FHIT: variants seen among roughly 807,000 people sequenced by gnomAD.
FHIT encodes the protein fragile histidine triad diadenosine triphosphatase, also known as bis(5'-adenosyl)-triphosphatase.
FHIT carries 19 observed loss-of-function variants against 17.9 expected under a neutral mutation model. The observed-to-expected ratio is 1.06, with a 90% confidence interval of 0.74 to 1.56. FHIT has a LOEUF of 1.56. Ranked by LOEUF, FHIT falls within the 40% of genes most tolerant of loss-of-function variation. The probability of loss-of-function intolerance (pLI) is 0.00; values close to 1 mark genes in which losing one functional copy is unlikely to be tolerated. For synonymous variants in FHIT, 81 were observed against 69.7 expected (o/e 1.16, Z -0.81); for missense variants, 248 against 189.2 (o/e 1.31, Z -1.82).
At chr3:61,129,897 AT>A (rs1306461852) in intron 2 of FHIT, among the ~76,000 whole-genome samples, 1 of 152,192 alleles carries the variant, frequency 6.6e-6, no homozygotes, top group African/African-American at 2.4e-5. Context: ...AAAGAAATTT[AT>A]ATCTTCACTT....
intron 4 of FHIT, among the ~76,000 whole-genome samples, chr3:60,762,395 G>C (rs1375523156): frequency 6.6e-6 from 1 of 152,176 alleles, no homozygotes; most frequent in East Asian, 1.9e-4. Flanking sequence ...TTTGCCTTTT[G>C]CCCAAGATCC....
chr3:60,112,289 G>A (rs1158610107), intron 5 of FHIT, among the ~76,000 whole-genome samples: 2 of 152,144 alleles, frequency 1.3e-5, no homozygotes, highest in Non-Finnish European at 2.9e-5. Flanking sequence ...CTTGTAAGGA[G>A]CCACTCCTCC....
intron 5 of FHIT, among the ~76,000 whole-genome samples, chr3:60,115,008 T>C (rs1005787122): frequency 1.1e-4 from 17 of 152,294 alleles, no homozygotes; most frequent in African/African-American, 2.6e-4. Flanking sequence ...ATATGTTACA[T>C]TGTTTTCTCA....
At chr3:61,089,590 ATATT>A (rs1167660171) in intron 2 of FHIT, among the ~76,000 whole-genome samples, 1 of 152,192 alleles carries the variant, frequency 6.6e-6, no homozygotes, top group East Asian at 1.9e-4. Flanking sequence ...ACAATTGTAA[ATATT>A]TGTTTGAAAC....
chr3:60,576,949 T>TATACACAC (rs1553657810), intron 4 of FHIT, among the ~76,000 whole-genome samples: 2 of 146,746 alleles, frequency 1.4e-5, no homozygotes, highest in Non-Finnish European at 3.0e-5. Flanking sequence ...TCCATTTGCA[T>TATACACAC]ACACACACAC....
At chr3:60,737,488 C>G (rs918921006) in intron 4 of FHIT, among the ~76,000 whole-genome samples, 1 of 152,202 alleles carries the variant, frequency 6.6e-6, no homozygotes, top group African/African-American at 2.4e-5. Flanking sequence ...TGAAGATAGT[C>G]TAAACAGAAA....
intron 2 of FHIT, among the ~76,000 whole-genome samples, chr3:61,140,960 A>G (rs1397733882): frequency 1.3e-5 from 2 of 152,222 alleles, no homozygotes; most frequent in African/African-American, 4.8e-5. Context: ...ACACGGATGT[A>G]CAAAGAAGAA....
intron 8 of FHIT, among the ~76,000 whole-genome samples, chr3:59,852,572 G>A (rs1208211200): frequency 6.6e-6 from 1 of 152,068 alleles, no homozygotes; most frequent in African/African-American, 2.4e-5. Flanking sequence ...TCTTGGTGTT[G>A]TACATTCTAT....
At chr3:61,168,312 T>G (rs2037900416) in intron 2 of FHIT, among the ~76,000 whole-genome samples, 2 of 152,132 alleles carry the variant, frequency 1.3e-5, no homozygotes, top group Non-Finnish European at 2.9e-5. Context: ...CAAAAGAAGT[T>G]TGCTAACCCC....
intron 2 of FHIT, among the ~76,000 whole-genome samples, chr3:61,157,911 G>A (rs192419743): frequency 1.3e-5 from 2 of 152,202 alleles, no homozygotes; most frequent in East Asian, 1.9e-4. Context: ...AGGTAGAGAT[G>A]GGATAAAAGG....
intron 3 of FHIT, among the ~76,000 whole-genome samples, chr3:60,993,850 A>T (rs1322114446): frequency 2.0e-5 from 3 of 152,158 alleles, no homozygotes; most frequent in African/African-American, 7.2e-5. Flanking sequence ...CAGGAACCTG[A>T]TCCCTCTATC....
chr3:59,913,212 G>GGT (rs1456804000), intron 8 of FHIT, among the ~76,000 whole-genome samples: 4 of 152,038 alleles, frequency 2.6e-5, no homozygotes, highest in African/African-American at 9.6e-5. Flanking sequence ...GTCGTGTGTG[G>GGT]GTGTGTGTGT....
Position 59,941,210 on chromosome 3 carries a change from G to A in FHIT, c.280-18796C>T, listed in dbSNP as rs541459570. ...CTTGAAGACATGTTCTTTTGTGTAT[G>A]CAATAGTGTATGCTGATTGTTCTCA... On this transcript the variant is annotated intron_variant, in intron 7 of 9. Coordinates refer to ENST00000492590, the MANE Select transcript of FHIT (RefSeq NM_002012.4). 8.1e-4 allele frequency among the ~76,000 whole-genome samples: 124 copies of A among 152,280 alleles called. 1 individual carries two copies. The highest frequency in any genetic ancestry group is 2.9e-3 in the African/African-American group (122 of 41,576).
chr3:60,732,327 C>G, intron 4 of FHIT: 1 of 928,304 alleles, frequency 1.1e-6, no homozygotes, highest in South Asian at 1.3e-5. Context: ...TGTGTTGGGT[C>G]CAGCATTTGC....
intron 4 of FHIT, among the ~76,000 whole-genome samples, chr3:60,728,750 T>A (rs1250977177): frequency 1.3e-5 from 2 of 151,810 alleles, no homozygotes; most frequent in African/African-American, 2.4e-5. Flanking sequence ...GCAACAGTTG[T>A]CCTAAGGTGA....
At chr3:60,614,657 G>A (rs1213022060) in intron 4 of FHIT, among the ~76,000 whole-genome samples, 2 of 151,888 alleles carry the variant, frequency 1.3e-5, no homozygotes, top group Non-Finnish European at 2.9e-5. Flanking sequence ...GCCAAAAAAT[G>A]TGTATTCTAT....
intron 5 of FHIT, among the ~76,000 whole-genome samples, chr3:60,201,183 C>T (rs146823387): frequency 2.0e-5 from 3 of 152,170 alleles, no homozygotes; most frequent in South Asian, 2.1e-4. Context: ...TATAACAACA[C>T]GTATGTTCCA....
At chr3:59,988,373 G>A (rs138676870) in intron 7 of FHIT, among the ~76,000 whole-genome samples, 2,526 of 152,126 alleles carry the variant, frequency 0.017, 41 homozygotes, top group Non-Finnish European at 0.023. Flanking sequence ...ATGCCCTGGT[G>A]GAGTCTATTG....
intron 5 of FHIT, among the ~76,000 whole-genome samples, chr3:60,167,954 G>C (rs1701251833): frequency 6.6e-6 from 1 of 152,106 alleles, no homozygotes; most frequent in African/African-American, 2.4e-5. Flanking sequence ...AGCCTGAGAG[G>C]TTGAGAACTC....
Sources: gnomAD v4.1 joint callset for allele counts (sites outside exome capture counted in the v4.1 genomes callset) on GRCh38, gnomAD v4.1.1 for gene constraint, MANE v1.5 for transcripts, NCBI Gene and HGNC (gene_info 2026-07-23, HGNC 2026-07-21) for gene names.